Variants in LUZP2 observed in about 807,000 individuals in gnomAD.
LUZP2 encodes leucine zipper protein 2.
A neutral mutation model predicts 51.6 loss-of-function variants in LUZP2; 52 were observed. The ratio of observed to expected loss-of-function variants is 1.01; its 90% CI spans 0.81 to 1.27. The LOEUF is 1.27. LUZP2 is among the 50% of genes most tolerant of loss of function. LUZP2 has a pLI of 0.00. For missense variants in LUZP2, 436 were observed against 395.4 expected, an observed-to-expected ratio of 1.10 and a Z score of -0.87; for synonymous variants, 154 against 137.3, an observed-to-expected ratio of 1.12 and a Z score of -0.85.
Position 24,976,644 on chromosome 11 carries a change from G to A in LUZP2, c.576G>A (p.Leu192=). The A allele has an allele frequency of 6.3e-7, 1 of 1,580,546 alleles. No individual in the cohort carries two copies. Among genetic ancestry groups the A allele is most frequent in the African/African-American group, 1.4e-5 (1 of 70,096 alleles). The change falls in exon 8 of 12, where the codon CTG becomes CTA. Residue 192 remains leucine, a synonymous_variant. Transcript: ENST00000336930. ...AATTAGCTGTAGCCAAAAATGAACT[G>A]GAGAAAGCAGCTCTTGACAGGGTAA... The part of the protein sequence containing the change: ...EQKLAVAKNE[L]EKAALDRESQ...
chr11:24,568,665 G>C (rs1858155), intron 1 of LUZP2, among the ~76,000 whole-genome samples: 86,671 of 151,626 alleles, frequency 0.57, 25,261 homozygotes, highest in East Asian at 0.71. Flanking sequence ...AGGACGAAAA[G>C]TATTACTCAA....
chr11:24,530,922 T>C (rs1472433105), intron 1 of LUZP2, among the ~76,000 whole-genome samples: 3 of 149,962 alleles, frequency 2.0e-5, no homozygotes, highest in Non-Finnish European at 3.0e-5. Context: ...CTTAGTTGAA[T>C]TAATCCAATG....
chr11:24,906,089 A>G lies in LUZP2; in HGVS notation c.459+36A>G, dbSNP rs1262138485. ...TTTTGCTTCTTCTAGCTTTAACCAG[A>G]TAAAAACAGTATTATTGTCAGATTT... On this transcript the variant is annotated intron_variant, in intron 6 of 11. Transcript: ENST00000336930. The G allele has an allele frequency of 4.7e-6, 7 of 1,503,222 alleles. No individual in the cohort carries two copies. The South Asian group carries it at 6.9e-5, about 15-fold the overall frequency. 93.1% of individuals were successfully genotyped at this position (1,503,222 alleles called of 1,614,324 possible).
chr11:24,751,154 C>A (rs150626674), intron 4 of LUZP2, among the ~76,000 whole-genome samples: 1 of 152,074 alleles, frequency 6.6e-6, no homozygotes, highest in East Asian at 1.9e-4. Context: ...GATGCCATTG[C>A]TAACTCATTC....
At chr11:24,782,149 G>T (rs907054957) in intron 5 of LUZP2, among the ~76,000 whole-genome samples, 2 of 152,132 alleles carry the variant, frequency 1.3e-5, no homozygotes, top group South Asian at 2.1e-4. Context: ...CCTAAATTTA[G>T]GTGAAAGAGA....
intron 9 of LUZP2, among the ~76,000 whole-genome samples, chr11:25,013,815 T>C (rs1857052946): frequency 6.6e-6 from 1 of 152,106 alleles, no homozygotes; most frequent in Non-Finnish European, 1.5e-5. Flanking sequence ...TTGTTACATA[T>C]GTATACATGT....
At chr11:25,047,714 T>G (rs575122547) in intron 9 of LUZP2, among the ~76,000 whole-genome samples, 1 of 152,172 alleles carries the variant, frequency 6.6e-6, no homozygotes, top group African/African-American at 2.4e-5. Flanking sequence ...TGTATTAGTT[T>G]CCCACTCTCA....
chr11:25,033,106 C>A (rs578080773), intron 9 of LUZP2, among the ~76,000 whole-genome samples: 1 of 152,122 alleles, frequency 6.6e-6, no homozygotes, highest in Non-Finnish European at 1.5e-5. Flanking sequence ...CTTCAGGTTA[C>A]AGCCATTAGT....
At chr11:24,524,796 T>C in intron 1 of LUZP2, among the ~76,000 whole-genome samples, 1 of 151,710 alleles carries the variant, frequency 6.6e-6, no homozygotes, top group East Asian at 1.9e-4. Flanking sequence ...TCATTCCAAA[T>C]CAATTTACAG....
chr11:24,963,077 G>T (rs1215727846), intron 7 of LUZP2, among the ~76,000 whole-genome samples: 1 of 152,136 alleles, frequency 6.6e-6, no homozygotes, highest in African/African-American at 2.4e-5. Context: ...CAGAACAGCG[G>T]TTTTTCGTGA....
intron 1 of LUZP2, among the ~76,000 whole-genome samples, chr11:24,660,572 G>A (rs1855984424): frequency 1.3e-5 from 2 of 152,228 alleles, no homozygotes; most frequent in South Asian, 4.1e-4. Flanking sequence ...TGCTTGGGGA[G>A]AGTGTCTGGA....
At chr11:24,784,847 T>A (rs1849195953) in intron 5 of LUZP2, among the ~76,000 whole-genome samples, 1 of 152,104 alleles carries the variant, frequency 6.6e-6, no homozygotes. Context: ...ATTAGACATA[T>A]AATGTGTATG....
chr11:24,601,747 C>T (rs1590226223), intron 1 of LUZP2, among the ~76,000 whole-genome samples: 1 of 150,774 alleles, frequency 6.6e-6, no homozygotes, highest in Admixed American at 6.6e-5. Flanking sequence ...AGACACAATA[C>T]CTCAGAATCT....
At chr11:24,885,460 A>C (rs1237791925) in intron 5 of LUZP2, among the ~76,000 whole-genome samples, 1 of 152,108 alleles carries the variant, frequency 6.6e-6, no homozygotes, top group Non-Finnish European at 1.5e-5. Context: ...GTTGAAAGTC[A>C]TAGAGATTAT....
chr11:24,814,649 C>G (rs112485212), intron 5 of LUZP2, among the ~76,000 whole-genome samples: 29 of 152,234 alleles, frequency 1.9e-4, no homozygotes, highest in African/African-American at 6.7e-4. Flanking sequence ...AGTATGCTCA[C>G]AAGAAGATAT....
At chr11:25,018,418 A>G (rs986634458) in intron 9 of LUZP2, among the ~76,000 whole-genome samples, 1 of 152,116 alleles carries the variant, frequency 6.6e-6, no homozygotes, top group Non-Finnish European at 1.5e-5. Context: ...ACTTTCTGAA[A>G]GATGGAGTGT....
At chr11:24,510,507 A>G (rs1236170642) in intron 1 of LUZP2, among the ~76,000 whole-genome samples, 1 of 152,120 alleles carries the variant, frequency 6.6e-6, no homozygotes, top group Non-Finnish European at 1.5e-5. Context: ...ACAAGATATA[A>G]ATTTAGTTCT....
chr11:24,922,853 T>C (rs1854107530), intron 7 of LUZP2, among the ~76,000 whole-genome samples: 1 of 120,286 alleles, frequency 8.3e-6, no homozygotes, highest in African/African-American at 4.2e-5. Context: ...TTTTTTTTTT[T>C]TTTTTTTTTT....
chr11:24,949,562 CAT>C (rs1248565313), intron 7 of LUZP2, among the ~76,000 whole-genome samples: 4 of 151,404 alleles, frequency 2.6e-5, no homozygotes, highest in South Asian at 4.1e-4. Context: ...CGTAAGTGAA[CAT>C]GTGTGTGTTC....
Sources: gnomAD v4.1 joint callset for allele counts (sites outside exome capture counted in the v4.1 genomes callset) on GRCh38, gnomAD v4.1.1 for gene constraint, MANE v1.5 for transcripts, NCBI Gene and HGNC (gene_info 2026-07-23, HGNC 2026-07-21) for gene names.